The following EPB41L5 variants were observed in gnomAD, a reference collection of about 807,000 sequenced individuals.
The protein encoded by EPB41L5 is erythrocyte membrane protein band 4.1 like 5.
EPB41L5 carries 55 observed loss-of-function variants against 106.6 expected under a neutral mutation model. The ratio of observed to expected loss-of-function variants is 0.52; its 90% CI spans 0.42 to 0.65. EPB41L5 has a LOEUF of 0.65. Among genes scored for constraint, EPB41L5 ranks in the 30% least tolerant of loss-of-function variants. The pLI is 0.00. For synonymous variants in EPB41L5, 297 were observed against 306.7 expected, an observed-to-expected ratio of 0.97 and a Z score of 0.33; for missense variants, 871 against 882.1, an observed-to-expected ratio of 0.99 and a Z score of 0.16.
intron 18 of EPB41L5, among the ~76,000 whole-genome samples, chr2:120,134,593 T>C (rs912122851): frequency 1.3e-5 from 2 of 152,050 alleles, no homozygotes; most frequent in African/African-American, 4.8e-5. Flanking sequence ...TGCAGCTCAC[T>C]GAGAAGAGAG....
rs115037406 is a variant in EPB41L5, at chr2:120,141,734, C to T, written c.1600-1269C>T. On this transcript the variant is annotated intron_variant, in intron 18 of 24. Transcript: ENST00000263713. Reference sequence around the variant, plus strand: ...GGGATTATTAGCTAGATGATTGCCACGTAGAAATCTCAGGAGAGAGCATGT... The same window carrying T: ...GGGATTATTAGCTAGATGATTGCCATGTAGAAATCTCAGGAGAGAGCATGT... Among the ~76,000 whole-genome samples, 1,172 of 152,018 alleles carry T rather than the reference C, an allele frequency of 7.7e-3. 12 individuals carry two copies. The highest frequency in any genetic ancestry group is 0.026 in the African/African-American group (1,074 of 41,478).
At chr2:120,161,113 C>T (rs1470643666) in intron 21 of EPB41L5, 139 bp downstream of exon 21, 7 of 653,018 alleles carry the variant, frequency 1.1e-5, no homozygotes, top group Non-Finnish European at 1.9e-5. Context: ...CACAGGGGCT[C>T]ACACCTATAA....
At position 120,104,801 on chromosome 2, in the gene EPB41L5, A is replaced by G. The variant is rs887867846; in HGVS notation, c.1337+3987A>G. 4.3e-6 allele frequency: 4 copies of G among 924,452 alleles called. No homozygotes were observed. The highest frequency in any genetic ancestry group is 5.2e-6 in the Non-Finnish European group (4 of 774,160). 57.3% of individuals were successfully genotyped at this position (924,452 alleles called of 1,614,324 possible). On this transcript the variant is annotated intron_variant, in intron 16 of 24. Transcript: ENST00000263713. ...TACAAACACTTTTACTTTTTAATAA[A>G]CACGAATATTTTAACTTACCAAAAG... is the stretch of plus-strand genomic sequence containing the variant.
intron 2 of EPB41L5, among the ~76,000 whole-genome samples, chr2:120,033,941 A>G (rs762557865): frequency 5.3e-5 from 8 of 151,732 alleles, no homozygotes; most frequent in Non-Finnish European, 1.2e-4. Context: ...CAGAAAAAGT[A>G]AAATACTAGC....
At chr2:120,164,323 T>G (rs1220418403) in intron 21 of EPB41L5, among the ~76,000 whole-genome samples, 1 of 152,126 alleles carries the variant, frequency 6.6e-6, no homozygotes, top group Non-Finnish European at 1.5e-5. Flanking sequence ...CAAGTGATCT[T>G]CCCACCTCAG....
intron 18 of EPB41L5, among the ~76,000 whole-genome samples, chr2:120,131,948 A>C (rs531480958): frequency 1.3e-5 from 2 of 152,282 alleles, no homozygotes; most frequent in African/African-American, 4.8e-5. Context: ...TAAAAAAAAA[A>C]ACACAGTCAA....
At chr2:120,037,780 C>A (rs1268114635) in intron 2 of EPB41L5, among the ~76,000 whole-genome samples, 2 of 152,088 alleles carry the variant, frequency 1.3e-5, no homozygotes, top group Non-Finnish European at 2.9e-5. Context: ...GGTGCCAAAA[C>A]CACTCAGTGG....
chr2:120,032,769 C>A (rs1033132317), intron 2 of EPB41L5, among the ~76,000 whole-genome samples: 2 of 152,180 alleles, frequency 1.3e-5, no homozygotes, highest in African/African-American at 4.8e-5. Context: ...GAACAACTCA[C>A]CCTCATTTCT....
chr2:120,087,065 A>T (rs1481049523), intron 10 of EPB41L5, 106 bp from the exon 11 acceptor site: 3 of 623,182 alleles, frequency 4.8e-6, no homozygotes, highest in Non-Finnish European at 5.5e-6. Context: ...GTCAATTTTT[A>T]GTTCAGGAGT....
intron 16 of EPB41L5, among the ~76,000 whole-genome samples, chr2:120,122,542 T>C (rs1372308857): frequency 6.6e-6 from 1 of 152,214 alleles, no homozygotes; most frequent in Non-Finnish European, 1.5e-5. Flanking sequence ...TATATCTCTG[T>C]TTTGGTACCA....
chr2:120,018,127 A>AT (rs772175537), intron 1 of EPB41L5, among the ~76,000 whole-genome samples: 25 of 150,818 alleles, frequency 1.7e-4, no homozygotes, highest in African/African-American at 2.2e-4. Flanking sequence ...CGCCCGGCTA[A>AT]TTTTTTTTTG....
intron 11 of EPB41L5, among the ~76,000 whole-genome samples, chr2:120,088,357 C>G (rs1324105117): frequency 6.6e-6 from 1 of 152,122 alleles, no homozygotes; most frequent in African/African-American, 2.4e-5. Flanking sequence ...ACTACATGCT[C>G]TTACTTACAA....
chr2:120,019,099 C>T lies in EPB41L5; in HGVS notation c.15C>T (p.Phe5=). 6 of 1,604,056 alleles carry T rather than the reference C, an allele frequency of 3.7e-6. No homozygotes were observed. Among genetic ancestry groups the T allele is most frequent in the Non-Finnish European group, 5.1e-6 (6 of 1,177,564 alleles). MLSF[F]RRTLGRRSMR... ...TAGTGACAAAAATGCTGAGTTTCTT[C>T]CGTAGAACACTAGGGCGTCGGTCTA... Residue 5 remains phenylalanine (F), a synonymous_variant, in exon 2 of 25, where the codon TTC becomes TTT. Coordinates refer to ENST00000263713, the MANE Select transcript of EPB41L5 (RefSeq NM_020909.4).
Position 120,139,999 on chromosome 2 carries a change from A to T in EPB41L5, c.1600-3004A>T, listed in dbSNP as rs114171758. Among the ~76,000 whole-genome samples, 612 of 152,222 alleles carry T rather than the reference A, an allele frequency of 4.0e-3. 4 individuals carry two copies. The highest frequency in any genetic ancestry group is 0.014 in the Middle Eastern group (4 of 294). On this transcript the variant is annotated intron_variant, in intron 18 of 24. Coordinates refer to ENST00000263713, the MANE Select transcript of EPB41L5 (RefSeq NM_020909.4). ...ACTATTCGGCCATAAAAAGAATGAG[A>T]TACTATCATTTGCAACAACATGGAT... is the stretch of plus-strand genomic sequence containing the variant.
chr2:120,042,664 A>G (rs1263481332), intron 3 of EPB41L5, among the ~76,000 whole-genome samples: 1 of 152,184 alleles, frequency 6.6e-6, no homozygotes, highest in African/African-American at 2.4e-5. Context: ...TTACTGGAGG[A>G]TGTTTGAAAG....
At chr2:120,091,057 A>T (rs1040201372) in intron 12 of EPB41L5, among the ~76,000 whole-genome samples, 1 of 152,196 alleles carries the variant, frequency 6.6e-6, no homozygotes, top group African/African-American at 2.4e-5. Context: ...GATTGTGTGG[A>T]GTTAATAGAA....
chr2:120,173,930 C>T (rs1340445604), intron 24 of EPB41L5, among the ~76,000 whole-genome samples: 5 of 152,190 alleles, frequency 3.3e-5, no homozygotes, highest in Admixed American at 2.0e-4. Flanking sequence ...GTGGATTCTC[C>T]CACCTCACTA....
chr2:120,128,010 A>G, intron 17 of EPB41L5, 159 bp downstream of exon 17: 1 of 527,658 alleles, frequency 1.9e-6, no homozygotes, highest in Non-Finnish European at 3.1e-6. Context: ...TTAAGGTAAC[A>G]CTGAAATATT....
intron 3 of EPB41L5, among the ~76,000 whole-genome samples, chr2:120,068,898 C>T (rs1397959370): frequency 1.2e-4 from 18 of 151,416 alleles, no homozygotes; most frequent in African/African-American, 3.4e-4. Flanking sequence ...GAGGCCAAGG[C>T]GGGTGGTTCA....
Sources: allele counts gnomAD v4.1 joint callset (sites outside exome capture counted in the v4.1 genomes callset), GRCh38; gene constraint gnomAD v4.1.1; transcripts MANE v1.5; gene names NCBI Gene and HGNC (gene_info 2026-07-23, HGNC 2026-07-21).